The following PTBP2 variants were observed in gnomAD, a reference collection of about 807,000 sequenced individuals.
PTBP2 encodes polypyrimidine tract binding protein 2.
A neutral mutation model predicts 61.4 loss-of-function variants in PTBP2; 13 were observed. That is an observed-to-expected ratio of 0.21 (90% CI 0.14 to 0.34). PTBP2 has a LOEUF of 0.34. PTBP2 is among the 10% of genes least tolerant of loss of function. The pLI is 1.00. For missense variants in PTBP2, 405 were observed against 642.6 expected (o/e 0.63, Z 4.00); for synonymous variants, 215 against 218.5 (o/e 0.98, Z 0.14).
intron 3 of PTBP2, among the ~76,000 whole-genome samples, chr1:96,763,810 TA>T (rs1656336270): frequency 1.3e-5 from 2 of 152,204 alleles, no homozygotes; most frequent in Non-Finnish European, 2.9e-5. Flanking sequence ...AAGATTTTTC[TA>T]TTTTTTTTCT....
intron 8 of PTBP2, among the ~76,000 whole-genome samples, chr1:96,794,442 A>G (rs565664126): frequency 6.6e-6 from 1 of 152,340 alleles, no homozygotes; most frequent in South Asian, 2.1e-4. Flanking sequence ...AAAGTATAAA[A>G]TATGATTCTT....
At chr1:96,752,272 T>C (rs1246598844) in intron 3 of PTBP2, among the ~76,000 whole-genome samples, 2 of 152,130 alleles carry the variant, frequency 1.3e-5, no homozygotes, top group African/African-American at 4.8e-5. Context: ...ACATTTTACA[T>C]TATTTACCTG....
At chr1:96,739,629 T>G (rs926950884) in intron 2 of PTBP2, among the ~76,000 whole-genome samples, 118 of 142,814 alleles carry the variant, frequency 8.3e-4, no homozygotes, top group African/African-American at 2.3e-3. Context: ...TTTTTTTTTT[T>G]TTTTTTTTTT....
chr1:96,733,773 T>C (rs1278108074), intron 2 of PTBP2, among the ~76,000 whole-genome samples: 3 of 152,164 alleles, frequency 2.0e-5, no homozygotes, highest in African/African-American at 4.8e-5. Context: ...GATCCACTTA[T>C]ACAGAATTTT....
Position 96,723,546 on chromosome 1 carries a change from C to T in PTBP2, c.9-18C>T. The T allele has an allele frequency of 6.4e-7, 1 of 1,566,728 alleles. No individual in the cohort carries two copies. The highest frequency in any genetic ancestry group is 8.7e-7 in the Non-Finnish European group (1 of 1,147,060). ...GAAGAATAACAGGAGGTTGAAACTA[C>T]TTATTTTTTCTTTGCAGAATCGTCA... On this transcript the variant is annotated intron_variant, in intron 1 of 13. Transcript: ENST00000674951.
chr1:96,757,398 A>G (rs533960497), intron 3 of PTBP2, among the ~76,000 whole-genome samples: 1 of 152,370 alleles, frequency 6.6e-6, no homozygotes, highest in East Asian at 1.9e-4. Flanking sequence ...GTTTATCAGA[A>G]AACATTTCTT....
intron 11 of PTBP2, among the ~76,000 whole-genome samples, chr1:96,809,177 T>G (rs577642350): frequency 9.8e-5 from 15 of 152,292 alleles, no homozygotes; most frequent in Non-Finnish European, 1.5e-4. Flanking sequence ...AAATCTATTA[T>G]AGTGGTGGAT....
intron 11 of PTBP2, among the ~76,000 whole-genome samples, chr1:96,810,950 A>T (rs557139619): frequency 7.9e-4 from 121 of 152,268 alleles, no homozygotes; most frequent in African/African-American, 2.7e-3. Flanking sequence ...GAAAATTCAG[A>T]CTTGTGAGAA....
intron 1 of PTBP2, among the ~76,000 whole-genome samples, chr1:96,723,194 C>A (rs1044251874): frequency 2.0e-5 from 3 of 152,106 alleles, no homozygotes; most frequent in African/African-American, 7.2e-5. Flanking sequence ...TCAAAACTTG[C>A]ACTAGAATTC....
Position 96,804,933 on chromosome 1 carries a change from TGAA to T in PTBP2, c.1041_1043del (p.Glu348del), listed in dbSNP as rs748968596. On this transcript the variant is annotated inframe_deletion, in exon 9 of 14. Coordinates refer to ENST00000674951, the MANE Select transcript of PTBP2 (RefSeq NM_021190.4). ...CAGTCCTGTTGGTTAGCAATTTAAA[TGAA>T]GAGGTTAGTAAAATAATCTCTAATG... The T allele has an allele frequency of 1.3e-6, 2 of 1,587,504 alleles. No homozygotes were observed. The highest frequency in any genetic ancestry group is 4.5e-5 in the East Asian group (2 of 44,668).
intron 3 of PTBP2, among the ~76,000 whole-genome samples, chr1:96,764,783 A>G (rs925706564): frequency 2.6e-5 from 4 of 152,216 alleles, no homozygotes; most frequent in African/African-American, 9.7e-5. Flanking sequence ...GCCTTATTTC[A>G]TAGTGTTACT....
chr1:96,782,083 T>C (rs1658737266), intron 7 of PTBP2, among the ~76,000 whole-genome samples: 1 of 152,018 alleles, frequency 6.6e-6, no homozygotes, highest in Admixed American at 6.6e-5. Flanking sequence ...TTTTACATAG[T>C]CCTTACATTA....
At chr1:96,740,486 C>T (rs891657033) in intron 2 of PTBP2, among the ~76,000 whole-genome samples, 1 of 152,054 alleles carries the variant, frequency 6.6e-6, no homozygotes, top group African/African-American at 2.4e-5. Context: ...TCCTAAAGGC[C>T]CTGTTTCAAA....
chr1:96,754,157 A>G (rs939398205), intron 3 of PTBP2, among the ~76,000 whole-genome samples: 3 of 152,138 alleles, frequency 2.0e-5, no homozygotes, highest in African/African-American at 7.2e-5. Flanking sequence ...AACAGCTGCG[A>G]AAAAAACGTC....
At chr1:96,760,438 TGC>T (rs1655677492) in intron 3 of PTBP2, among the ~76,000 whole-genome samples, 1 of 148,234 alleles carries the variant, frequency 6.7e-6, no homozygotes. Context: ...GAAAATAGTT[TGC>T]TTTTTTTTTT....
intron 2 of PTBP2, among the ~76,000 whole-genome samples, chr1:96,740,374 G>C (rs768973581): frequency 3.9e-5 from 6 of 152,060 alleles, no homozygotes; most frequent in Non-Finnish European, 8.8e-5. Flanking sequence ...GCACACTTTG[G>C]GGGAGTGGGT....
intron 8 of PTBP2, among the ~76,000 whole-genome samples, chr1:96,802,435 G>C (rs551162277): frequency 6.6e-6 from 1 of 152,176 alleles, no homozygotes; most frequent in East Asian, 1.9e-4. Flanking sequence ...GAAAATGCTA[G>C]TGATTAGAGT....
At chr1:96,725,501 G>A (rs375551777) in intron 2 of PTBP2, among the ~76,000 whole-genome samples, 11 of 151,754 alleles carry the variant, frequency 7.2e-5, no homozygotes, top group Admixed American at 1.3e-4. Context: ...GGGTTTCACC[G>A]TGTTAGCCAG....
intron 3 of PTBP2, among the ~76,000 whole-genome samples, chr1:96,763,431 A>T (rs942575226): frequency 2.0e-5 from 3 of 151,770 alleles, no homozygotes; most frequent in African/African-American, 4.8e-5. Flanking sequence ...TACGAAAACC[A>T]GTCAGGCGTG....
Sources: gnomAD v4.1 joint callset for allele counts (sites outside exome capture counted in the v4.1 genomes callset) on GRCh38, gnomAD v4.1.1 for gene constraint, MANE v1.5 for transcripts, NCBI Gene and HGNC (gene_info 2026-07-23, HGNC 2026-07-21) for gene names.